ARHGAP6: variants seen among roughly 807,000 people sequenced by gnomAD.
ARHGAP6 encodes the protein Rho GTPase activating protein 6, also known as rho GTPase-activating protein 6.
ARHGAP6 carries 16 observed loss-of-function variants against 55.7 expected under a neutral mutation model. That is an observed-to-expected ratio of 0.29 (90% confidence interval 0.19 to 0.44). ARHGAP6 has a LOEUF of 0.44. ARHGAP6 is among the 20% of genes least tolerant of loss of function. The pLI is 1.00. For synonymous variants in ARHGAP6, 382 were observed against 360.9 expected (o/e 1.06, Z -0.66); for missense variants, 698 against 808.9 (o/e 0.86, Z 1.66).
intron 1 of ARHGAP6, among the ~76,000 whole-genome samples, chrX:11,552,555 C>CATATATATATATAT (rs59008705): frequency 1.0e-3 from 13 of 12,534 alleles, no homozygotes; most frequent in Admixed American, 1.5e-3. Flanking sequence ...GAAAATGTGC[C>CATATATATATATAT]ATATATATAT....
intron 1 of ARHGAP6, among the ~76,000 whole-genome samples, chrX:11,345,040 C>CT (rs1249975987): frequency 8.9e-6 from 1 of 112,401 alleles, no homozygotes; most frequent in Non-Finnish European, 1.9e-5. Flanking sequence ...ATCCAGCTCT[C>CT]TATTATGAAT....
intron 1 of ARHGAP6, among the ~76,000 whole-genome samples, chrX:11,323,676 C>A (rs1459033881): frequency 9.1e-6 from 1 of 110,359 alleles, no homozygotes; most frequent in Non-Finnish European, 1.9e-5. Flanking sequence ...GCCAGCCTGG[C>A]CAACATGGTG....
intron 1 of ARHGAP6, among the ~76,000 whole-genome samples, chrX:11,306,097 T>A (rs940522807): frequency 2.7e-5 from 3 of 111,755 alleles, no homozygotes; most frequent in African/African-American, 9.8e-5. Flanking sequence ...TCTAGAAATC[T>A]TCTCTCACTG....
chrX:11,426,034 C>T (rs1317101022), intron 1 of ARHGAP6, among the ~76,000 whole-genome samples: 6 of 112,071 alleles, frequency 5.4e-5, no homozygotes, highest in East Asian at 2.8e-4. Flanking sequence ...ACTGAGCCAC[C>T]GGTGTCTCCA....
intron 12 of ARHGAP6, among the ~76,000 whole-genome samples, chrX:11,140,195 A>T (rs1251964302): frequency 1.0e-5 from 1 of 97,306 alleles, no homozygotes; most frequent in African/African-American, 3.7e-5. Context: ...TGAACTAAAA[A>T]AAAAAATAAA....
chrX:11,283,197 C>A (rs1001432999), intron 1 of ARHGAP6, among the ~76,000 whole-genome samples: 8 of 111,916 alleles, frequency 7.1e-5, no homozygotes, highest in African/African-American at 2.6e-4. Context: ...TGCCTGAAAG[C>A]AGTGTACCAA....
In ARHGAP6 at chrX:11,215,648, T is replaced by G. The variant is rs757011222; in HGVS notation, c.749-18652A>C. On this transcript the variant is annotated intron_variant, in intron 2 of 12. Coordinates refer to ENST00000337414, the MANE Select transcript of ARHGAP6 (RefSeq NM_013427.3). Reference sequence around the variant, plus strand: ...CGAGGACAACCAGCCATGGAGCCCGTGGGCAGGAAGCTCATGGAGAAGCCT... The same window carrying G: ...CGAGGACAACCAGCCATGGAGCCCGGGGGCAGGAAGCTCATGGAGAAGCCT... Among the ~76,000 whole-genome samples, 108 of 112,798 alleles carry G rather than the reference T, an allele frequency of 9.6e-4. 1 individual carries two copies. The highest frequency in any genetic ancestry group is 1.7e-3 in the Non-Finnish European group (89 of 53,277).
chrX:11,169,472 G>A (rs778531059), intron 9 of ARHGAP6, 33 bp downstream of exon 9: 1 of 1,155,196 alleles, frequency 8.7e-7, no homozygotes, highest in Non-Finnish European at 1.2e-6. Context: ...TAGGCAGTTT[G>A]CTGTGATGTC....
intron 1 of ARHGAP6, among the ~76,000 whole-genome samples, chrX:11,649,991 CTT>C (rs201517374): frequency 1.1e-4 from 10 of 88,083 alleles, no homozygotes; most frequent in South Asian, 1.1e-3. Context: ...ACTTTCTTTT[CTT>C]TTTTTTTTTT....
chrX:11,154,741 C>T (rs2045840555), intron 10 of ARHGAP6, among the ~76,000 whole-genome samples: 1 of 112,026 alleles, frequency 8.9e-6, no homozygotes, highest in African/African-American at 3.2e-5. Context: ...GCATGATCTG[C>T]TGAAAAGAAA....
chrX:11,524,350 G>A (rs1350075050), intron 1 of ARHGAP6, among the ~76,000 whole-genome samples: 1 of 111,274 alleles, frequency 9.0e-6, no homozygotes, highest in Non-Finnish European at 1.9e-5. Flanking sequence ...TATTTCAGCT[G>A]GCTGAAATGG....
chrX:11,612,761 A>G (rs1359309170), intron 1 of ARHGAP6, among the ~76,000 whole-genome samples: 2 of 112,574 alleles, frequency 1.8e-5, no homozygotes, highest in African/African-American at 6.4e-5. Context: ...AGAGGTCTAT[A>G]ATAACTCAGC....
chrX:11,203,982 T>C (rs1175226311), intron 2 of ARHGAP6, among the ~76,000 whole-genome samples: 1 of 112,261 alleles, frequency 8.9e-6, no homozygotes, highest in Non-Finnish European at 1.9e-5. Context: ...TGTTTTTTGC[T>C]CCTTGCCCTC....
chrX:11,265,911 CA>C (rs1413447956), intron 1 of ARHGAP6: 2 of 953,264 alleles, frequency 2.1e-6, no homozygotes, highest in Admixed American at 3.4e-5. Context: ...ATCTTGGGAC[CA>C]AAAATATGCA....
At chrX:11,360,773 A>G in intron 1 of ARHGAP6, among the ~76,000 whole-genome samples, 1 of 111,641 alleles carries the variant, frequency 9.0e-6, no homozygotes, top group Non-Finnish European at 1.9e-5. Context: ...GTCTCAGCCC[A>G]AAATCTCCTT....
chrX:11,223,213 C>G (rs191344338), intron 2 of ARHGAP6: 29 of 163,708 alleles, frequency 1.8e-4, no homozygotes, highest in African/African-American at 8.6e-4. Flanking sequence ...GTTGCAAAAG[C>G]TTGCAACGAA....
intron 9 of ARHGAP6, among the ~76,000 whole-genome samples, chrX:11,158,012 C>CCAA (rs2045885699): frequency 8.9e-6 from 1 of 111,928 alleles, no homozygotes; most frequent in Admixed American, 9.5e-5. Context: ...CTTTTCCATT[C>CCAA]CAACTGCAGA....
intron 1 of ARHGAP6, among the ~76,000 whole-genome samples, chrX:11,655,239 T>C (rs984355269): frequency 1.8e-5 from 2 of 112,185 alleles, no homozygotes; most frequent in African/African-American, 3.2e-5. Context: ...CTTTTTATTG[T>C]TGAGTAATTT....
chrX:11,452,186 C>T (rs145701623), intron 1 of ARHGAP6, among the ~76,000 whole-genome samples: 3 of 112,193 alleles, frequency 2.7e-5, no homozygotes, highest in African/African-American at 6.5e-5. Flanking sequence ...CTCACCCTGT[C>T]GCCCAGTATG....
Sources: allele counts gnomAD v4.1 joint callset (sites outside exome capture counted in the v4.1 genomes callset), GRCh38; gene constraint gnomAD v4.1.1; transcripts MANE v1.5; gene names NCBI Gene and HGNC (gene_info 2026-07-23, HGNC 2026-07-21).